The following PARD3B variants were observed in gnomAD, a reference collection of about 807,000 sequenced individuals.
The protein encoded by PARD3B is par-3 family cell polarity regulator beta.
PARD3B carries 103 observed loss-of-function variants against 130.2 expected under a neutral mutation model. That is an observed-to-expected ratio of 0.79 (90% confidence interval 0.67 to 0.93). The LOEUF (loss-of-function observed/expected upper bound fraction) is 0.93. Ranked by LOEUF, PARD3B falls within the 40% of genes least tolerant of loss-of-function variation. The pLI is 0.00. For synonymous variants in PARD3B, 583 were observed against 553.2 expected (o/e 1.05, Z -0.76); for missense variants, 1,609 against 1,499.2 (o/e 1.07, Z -1.21).
At chr2:205,507,525 A>G (rs1385075300) in intron 21 of PARD3B, among the ~76,000 whole-genome samples, 1 of 151,932 alleles carries the variant, frequency 6.6e-6, no homozygotes, top group South Asian at 2.1e-4. Flanking sequence ...CAATATTCTT[A>G]TAGACTAAAA....
At chr2:205,422,975 C>A (rs1429743021) in intron 19 of PARD3B, among the ~76,000 whole-genome samples, 1 of 152,168 alleles carries the variant, frequency 6.6e-6, no homozygotes, top group Non-Finnish European at 1.5e-5. Flanking sequence ...AGCATATGGT[C>A]GTCTATAAAA....
At chr2:205,051,750 T>A (rs573436146) in intron 4 of PARD3B, among the ~76,000 whole-genome samples, 34 of 152,306 alleles carry the variant, frequency 2.2e-4, no homozygotes, top group African/African-American at 7.7e-4. Context: ...AAAAAGGGCT[T>A]AAATTAGAAA....
At chr2:204,672,276 C>A (rs182520949) in intron 1 of PARD3B, among the ~76,000 whole-genome samples, 2 of 152,258 alleles carry the variant, frequency 1.3e-5, no homozygotes, top group East Asian at 3.9e-4. Flanking sequence ...TGCCTTTTCC[C>A]ATGTAAAGAA....
At chr2:205,118,895 T>C (rs1257496567) in intron 6 of PARD3B, 26 bp from the exon 7 acceptor site, 2 of 1,449,076 alleles carry the variant, frequency 1.4e-6, no homozygotes, top group African/African-American at 1.4e-5. Context: ...TCAGTAATTA[T>C]ATTTCAATCT....
In PARD3B at chr2:204,764,251, T is replaced by C. The variant is rs2125414221; in HGVS notation, c.222+77969T>C. On this transcript the variant is annotated intron_variant, in intron 2 of 22. Transcript: ENST00000406610. ...TTCTGGTAGCTCCACCGCATCCTTC[T>C]AGTGTGCATGCAAGCCCTTAGCTTG... Among the ~76,000 whole-genome samples, 4 of 152,308 alleles carry C rather than the reference T, an allele frequency of 2.6e-5. No homozygotes were observed. The Middle Eastern group carries it at 0.014, about 518-fold the overall frequency.
intron 1 of PARD3B, among the ~76,000 whole-genome samples, chr2:204,650,890 G>T (rs563045100): frequency 1.6e-5 from 1 of 64,338 alleles, no homozygotes; most frequent in Non-Finnish European, 2.7e-5. Context: ...GGGGGAGTGA[G>T]AGAGAGAGAG....
intron 2 of PARD3B, among the ~76,000 whole-genome samples, chr2:204,819,725 C>G (rs1291741727): frequency 6.6e-6 from 1 of 152,142 alleles, no homozygotes; most frequent in Non-Finnish European, 1.5e-5. Context: ...AAGACTCTTA[C>G]AGTAAACACA....
chr2:205,615,587 A>T lies in PARD3B; in HGVS notation c.3392A>T (p.Glu1131Val), dbSNP rs760299104. 1 of 1,614,022 alleles carries T rather than the reference A, an allele frequency of 6.2e-7. No individual in the cohort carries two copies. ...PPKGSYPRPTELRVADLRYPQ... is the reference protein window; with the variant it reads ...PPKGSYPRPTVLRVADLRYPQ... The stretch of plus-strand genomic sequence containing the variant: ...AAAGGGAGCTATCCCCGCCCCACAG[A>T]GCTCAGGGTGGCAGATCTCCGGTAT... The change falls in exon 23 of 23, where the codon GAG (glutamate) becomes GTG (valine). Residue 1131 changes from glutamate (E) to valine (V), a missense_variant. Coordinates refer to ENST00000406610, the MANE Select transcript of PARD3B (RefSeq NM_001302769.2).
chr2:204,909,400 A>G (rs2047151489), intron 2 of PARD3B, among the ~76,000 whole-genome samples: 1 of 152,194 alleles, frequency 6.6e-6, no homozygotes, highest in Admixed American at 6.5e-5. Context: ...CATATAAATT[A>G]TTGGTAATAT....
intron 4 of PARD3B, among the ~76,000 whole-genome samples, chr2:205,069,061 T>C (rs918456424): frequency 2.4e-4 from 36 of 152,208 alleles, no homozygotes; most frequent in African/African-American, 8.7e-4. Context: ...TTTTTTTTCT[T>C]TTACTCTATC....
chr2:205,334,950 C>T (rs528375233), intron 18 of PARD3B, among the ~76,000 whole-genome samples: 86 of 152,236 alleles, frequency 5.6e-4, no homozygotes, highest in African/African-American at 2.0e-3. Flanking sequence ...GGGTTTCATA[C>T]GTTTCTCCAT....
At position 204,678,783 on chromosome 2, in the gene PARD3B, G is replaced by T. The variant is rs1219505439; in HGVS notation, c.121-7398G>T. On this transcript the variant is annotated intron_variant, in intron 1 of 22. Transcript: ENST00000406610. This position sits in a 1 kb window ranked among gnomAD's most constrained non-coding sequence, Gnocchi z 4.2. ...AAAGTAGCATTTGAGCTGGAAAACG[G>T]ATAACTGTTTTCATTTAGGGCTGCA... Among the ~76,000 whole-genome samples, 1 of 152,238 alleles carries T rather than the reference G, an allele frequency of 6.6e-6. No individual in the cohort carries two copies. Among genetic ancestry groups the T allele is most frequent in the South Asian group, 2.1e-4 (1 of 4,816 alleles).
At chr2:205,219,888 T>C (rs1011549566) in intron 15 of PARD3B, among the ~76,000 whole-genome samples, 3 of 152,174 alleles carry the variant, frequency 2.0e-5, no homozygotes, top group Non-Finnish European at 4.4e-5. Flanking sequence ...TTTTCAGTAA[T>C]GTAAGCCCTG....
chr2:204,617,983 G>A (rs985861832), intron 1 of PARD3B, among the ~76,000 whole-genome samples: 2 of 152,150 alleles, frequency 1.3e-5, no homozygotes, highest in African/African-American at 2.4e-5. Context: ...CTTTGTGATT[G>A]TGAATAGTGC....
intron 2 of PARD3B, among the ~76,000 whole-genome samples, chr2:204,714,745 C>A (rs2038640022): frequency 6.6e-6 from 1 of 152,212 alleles, no homozygotes; most frequent in Non-Finnish European, 1.5e-5. Context: ...CTGATAACTT[C>A]ATTCCTCACT....
At chr2:205,462,405 G>A (rs572041330) in intron 20 of PARD3B, among the ~76,000 whole-genome samples, 15 of 152,240 alleles carry the variant, frequency 9.9e-5, no homozygotes, top group African/African-American at 3.4e-4. Context: ...ACCTGCACAT[G>A]CATTCTTAGT....
At chr2:204,877,894 C>A (rs1305457632) in intron 2 of PARD3B, among the ~76,000 whole-genome samples, 1 of 152,152 alleles carries the variant, frequency 6.6e-6, no homozygotes, top group African/African-American at 2.4e-5. Context: ...AGCAATTTAA[C>A]TATGGTATGT....
At chr2:205,433,944 A>G (rs2047424288) in intron 19 of PARD3B, among the ~76,000 whole-genome samples, 1 of 152,216 alleles carries the variant, frequency 6.6e-6, no homozygotes, top group Non-Finnish European at 1.5e-5. Context: ...TTTTGCTATG[A>G]TGAATAAAGC....
chr2:204,884,118 A>G (rs928859128), intron 2 of PARD3B, among the ~76,000 whole-genome samples: 2 of 152,184 alleles, frequency 1.3e-5, no homozygotes, highest in African/African-American at 4.8e-5. Flanking sequence ...AGGCTTCTTC[A>G]CCTTAGGGAG....
Sources: allele counts gnomAD v4.1 joint callset (sites outside exome capture counted in the v4.1 genomes callset), GRCh38; gene constraint gnomAD v4.1.1; non-coding constraint Gnocchi (gnomAD v3.1); transcripts MANE v1.5; gene names NCBI Gene and HGNC (gene_info 2026-07-23, HGNC 2026-07-21).